Variants in LRP1B observed in about 807,000 individuals in gnomAD.
LRP1B encodes low-density lipoprotein receptor-related protein 1B.
Under a neutral mutation model 556.6 loss-of-function variants are expected in LRP1B, and 217 were observed. The ratio of observed to expected loss-of-function variants is 0.39; its 90% CI spans 0.35 to 0.44. The LOEUF (loss-of-function observed/expected upper bound fraction) is 0.44, where lower values mean the gene tolerates loss of function less well. LRP1B is among the 20% of genes least tolerant of loss of function. The pLI is 1.00. For synonymous variants in LRP1B, 2,047 were observed against 1,865.8 expected (o/e 1.10, Z -2.50); for missense variants, 5,053 against 5,620.8 (o/e 0.90, Z 3.23).
intron 72 of LRP1B, among the ~76,000 whole-genome samples, chr2:140,362,694 C>T (rs1389068037): frequency 6.6e-6 from 1 of 151,584 alleles, no homozygotes; most frequent in African/African-American, 2.4e-5. Flanking sequence ...AACCTCAAGC[C>T]TTTTCATCTA....
intron 66 of LRP1B, among the ~76,000 whole-genome samples, chr2:140,422,088 C>T (rs1016837782): frequency 6.6e-6 from 1 of 152,100 alleles, no homozygotes; most frequent in Non-Finnish European, 1.5e-5. Flanking sequence ...AATGTTATTT[C>T]TTTTCTTCAC....
intron 11 of LRP1B, among the ~76,000 whole-genome samples, chr2:141,033,650 TG>T (rs1186975517): frequency 6.6e-6 from 1 of 152,002 alleles, no homozygotes; most frequent in African/African-American, 2.4e-5. Context: ...TGAGAGTAAC[TG>T]CCATGATGGA....
At chr2:140,505,175 A>C (rs1416832215) in intron 53 of LRP1B, among the ~76,000 whole-genome samples, 1 of 152,206 alleles carries the variant, frequency 6.6e-6, no homozygotes, top group Non-Finnish European at 1.5e-5. Flanking sequence ...TTACAAATAT[A>C]AATTCATTTA....
intron 72 of LRP1B, among the ~76,000 whole-genome samples, chr2:140,363,924 C>A (rs555156446): frequency 1.3e-5 from 2 of 151,516 alleles, no homozygotes; most frequent in South Asian, 4.1e-4. Flanking sequence ...AAAGTATAGG[C>A]GAAACTGCAT....
At chr2:141,816,250 G>C (rs968570930) in intron 1 of LRP1B, among the ~76,000 whole-genome samples, 1 of 152,104 alleles carries the variant, frequency 6.6e-6, no homozygotes, top group African/African-American at 2.4e-5. Context: ...GTGTCTGTGA[G>C]GGGGTTGCCA....
chr2:140,718,335 C>A (rs2105468289), intron 35 of LRP1B, among the ~76,000 whole-genome samples: 1 of 152,070 alleles, frequency 6.6e-6, no homozygotes, highest in Non-Finnish European at 1.5e-5. Flanking sequence ...CACTTCTAAT[C>A]AATCACCAGA....
In LRP1B at chr2:141,660,990, A is replaced by C. The variant is rs192986895; in HGVS notation, c.205+149289T>G. On this transcript the variant is annotated intron_variant, in intron 2 of 90. Transcript: ENST00000389484. ...CAGGCAGCCATCTTTGCTGTTCTGCAGCCTCCACTGGTGACACCTCCAGGT... is the reference window on the plus strand; with the variant it reads ...CAGGCAGCCATCTTTGCTGTTCTGCCGCCTCCACTGGTGACACCTCCAGGT... 2.3e-3 allele frequency among the ~76,000 whole-genome samples: 356 copies of C among 152,294 alleles called. 2 individuals carry two copies. Among genetic ancestry groups the C allele is most frequent in the African/African-American group, 8.3e-3 (343 of 41,560 alleles).
At chr2:141,135,483 GACAA>G (rs1282198478) in intron 7 of LRP1B, among the ~76,000 whole-genome samples, 2 of 151,904 alleles carry the variant, frequency 1.3e-5, no homozygotes, top group African/African-American at 4.8e-5. Context: ...TTGTCATAGG[GACAA>G]ACAAATTAAC....
At chr2:140,257,229 TTTG>T (rs540668608) in intron 86 of LRP1B, among the ~76,000 whole-genome samples, 147 of 152,316 alleles carry the variant, frequency 9.7e-4, no homozygotes, top group African/African-American at 3.1e-3. Context: ...AAAATAAACC[TTTG>T]TTGTTATAAA....
chr2:140,921,093 A>G (rs1044813659), intron 21 of LRP1B, among the ~76,000 whole-genome samples: 2 of 151,968 alleles, frequency 1.3e-5, no homozygotes, highest in Non-Finnish European at 2.9e-5. Flanking sequence ...TAATCGTACT[A>G]TTTATTATTT....
At chr2:141,293,830 T>C (rs548175586) in intron 3 of LRP1B, among the ~76,000 whole-genome samples, 273 of 152,212 alleles carry the variant, frequency 1.8e-3, no homozygotes, top group African/African-American at 6.2e-3. Context: ...ACATGTGTAT[T>C]TCTTATAGAC....
chr2:141,747,459 C>A (rs751021856), intron 2 of LRP1B, among the ~76,000 whole-genome samples: 49 of 152,072 alleles, frequency 3.2e-4, no homozygotes, highest in Non-Finnish European at 6.5e-4. Context: ...TACAACTCTG[C>A]AAATATGTGA....
At position 140,886,228 on chromosome 2, in the gene LRP1B, C is replaced by T. The variant is rs2105192360; in HGVS notation, c.3874G>A (p.Ala1292Thr). 1 of 1,609,070 alleles carries T rather than the reference C, an allele frequency of 6.2e-7. No homozygotes were observed. The change falls in exon 24 of 91, where the codon GCA becomes ACA. Residue 1292 changes from alanine to threonine, a missense_variant. Around this residue, in one of 5 missense-constraint regions of LRP1B, gnomAD observed 3,619 missense variants for 3,931.9 expected, o/e 0.92. Coordinates refer to ENST00000389484, the MANE Select transcript of LRP1B (RefSeq NM_018557.3). ...CTTTGATTGAAGTGAAAATCAAGTG[C>T]TATTGTGTTTCTCAATCCAGGAACA... Reference protein sequence around the residue: ...LLVPGLRNTIALDFHFNQSLL... With the variant: ...LLVPGLRNTITLDFHFNQSLL...
chr2:141,405,203 T>A (rs1690591724), intron 3 of LRP1B, among the ~76,000 whole-genome samples: 1 of 152,190 alleles, frequency 6.6e-6, no homozygotes, highest in African/African-American at 2.4e-5. Context: ...GTAGTAAAAA[T>A]TATACAGTGG....
chr2:140,851,669 T>C lies in LRP1B; in HGVS notation c.4694A>G (p.Asp1565Gly). Residue 1565 changes from aspartate to glycine, a missense_variant, in exon 28 of 91, where the codon GAC becomes GGC. By Grantham distance (94) the Asp-to-Gly change is moderately conservative (BLOSUM62 -1). Coordinates refer to ENST00000389484, the MANE Select transcript of LRP1B (RefSeq NM_018557.3). The part of the protein sequence containing the change: ...ACPHLMKLSS[D>G]KKTCYEMKKF... The stretch of plus-strand genomic sequence containing the variant: ...AAATTTACCATAGCAGGTCTTCTTG[T>C]CTGAAGAAAGCTTCATCAAGTGGGG... The C allele has an allele frequency of 6.2e-7, 1 of 1,610,156 alleles. No individual in the cohort carries two copies. Among genetic ancestry groups the C allele is most frequent in the Non-Finnish European group, 8.5e-7 (1 of 1,178,648 alleles).
At chr2:141,516,920 C>T (rs1227110037) in intron 2 of LRP1B, among the ~76,000 whole-genome samples, 3 of 147,148 alleles carry the variant, frequency 2.0e-5, no homozygotes, top group Non-Finnish European at 4.5e-5. Flanking sequence ...TGGTCTCGAA[C>T]TCCTGACCTC....
intron 2 of LRP1B, among the ~76,000 whole-genome samples, chr2:141,780,355 G>A (rs1418444858): frequency 6.6e-6 from 1 of 151,870 alleles, no homozygotes; most frequent in Non-Finnish European, 1.5e-5. Context: ...AATGTTTTTG[G>A]ATGGGTGGGA....
intron 1 of LRP1B, among the ~76,000 whole-genome samples, chr2:142,116,359 A>G (rs1157272595): frequency 6.6e-6 from 1 of 152,048 alleles, no homozygotes; most frequent in African/African-American, 2.4e-5. Context: ...TGATCATGAG[A>G]AAACATCAGA....
At chr2:140,927,620 T>A (rs575845937) in intron 20 of LRP1B, among the ~76,000 whole-genome samples, 1 of 151,912 alleles carries the variant, frequency 6.6e-6, no homozygotes, top group Non-Finnish European at 1.5e-5. Flanking sequence ...TATTTTATGC[T>A]ATTATAAGAT....
Sources: gnomAD v4.1 joint callset for allele counts (sites outside exome capture counted in the v4.1 genomes callset) on GRCh38, gnomAD v4.1.1 for gene constraint, gnomAD v4.1.1 regional missense constraint, MANE v1.5 for transcripts, NCBI Gene and HGNC (gene_info 2026-07-23, HGNC 2026-07-21) for gene names.